FGF10: variants seen among roughly 807,000 people sequenced by gnomAD.
FGF10 encodes the protein FGF-10.
FGF10 carries 2 observed loss-of-function variants against 19.8 expected under a neutral mutation model. The ratio of observed to expected loss-of-function variants is 0.10; its 90% confidence interval spans 0.04 to 0.32. The LOEUF (loss-of-function observed/expected upper bound fraction) is 0.32. FGF10 is among the 10% of genes least tolerant of loss of function. The pLI is 1.00. For synonymous variants in FGF10, 112 were observed against 94.0 expected, an observed-to-expected ratio of 1.19 and a Z score of -1.10; for missense variants, 191 against 246.3, an observed-to-expected ratio of 0.78 and a Z score of 1.50.
intron 1 of FGF10, among the ~76,000 whole-genome samples, chr5:44,368,195 G>C (rs964567703): frequency 1.2e-4 from 18 of 152,124 alleles, no homozygotes; most frequent in African/African-American, 3.9e-4. Context: ...CTAGGACTGA[G>C]GCAATATATT....
chr5:44,312,705 C>G (rs1740240925), intron 1 of FGF10, among the ~76,000 whole-genome samples: 2 of 151,990 alleles, frequency 1.3e-5, no homozygotes, highest in Non-Finnish European at 2.9e-5. Context: ...CTTACATTGT[C>G]TGGCCAAAAG....
At chr5:44,364,667 G>T (rs1025290566) in intron 1 of FGF10, among the ~76,000 whole-genome samples, 2 of 151,388 alleles carry the variant, frequency 1.3e-5, no homozygotes, top group African/African-American at 4.9e-5. Flanking sequence ...ATATGATGAG[G>T]TTTCTCACAT....
intron 1 of FGF10, among the ~76,000 whole-genome samples, chr5:44,385,652 A>G (rs1024283529): frequency 5.9e-5 from 9 of 152,170 alleles, no homozygotes; most frequent in African/African-American, 2.2e-4. Flanking sequence ...TTTTTGGAAA[A>G]GGAATTGACA....
At position 44,350,425 on chromosome 5, in the gene FGF10, A is replaced by G. The variant is rs556714617; in HGVS notation, c.325+37933T>C. Among the ~76,000 whole-genome samples the G allele has an allele frequency of 4.0e-5, 6 of 150,966 alleles. No homozygotes were observed. The South Asian group carries it at 1.2e-3, about 31-fold the overall frequency. On this transcript the variant is annotated intron_variant, in intron 1 of 2. Coordinates refer to ENST00000264664, the MANE Select transcript of FGF10 (RefSeq NM_004465.2). ...GAAAAAAATAAAAAGAAATTCACCA[A>G]AATAGAACAACAGGTACTTCTAGGT...
At chr5:44,361,422 G>C (rs1172204508) in intron 1 of FGF10, among the ~76,000 whole-genome samples, 1 of 151,636 alleles carries the variant, frequency 6.6e-6, no homozygotes, top group Non-Finnish European at 1.5e-5. Flanking sequence ...ATAGATATGA[G>C]AGCCTGACAG....
intron 1 of FGF10, among the ~76,000 whole-genome samples, chr5:44,366,152 G>A (rs79273093): frequency 3.0e-4 from 10 of 33,432 alleles, no homozygotes; most frequent in Non-Finnish European, 4.9e-4. Flanking sequence ...TTTTTTTTTT[G>A]CTGTTTTACT....
intron 1 of FGF10, among the ~76,000 whole-genome samples, chr5:44,345,330 C>G (rs1484717127): frequency 1.3e-5 from 2 of 150,316 alleles, no homozygotes; most frequent in East Asian, 3.9e-4. Flanking sequence ...AGAATTTAAC[C>G]AAGAATATAA....
chr5:44,342,014 T>A (rs567298051), intron 1 of FGF10, among the ~76,000 whole-genome samples: 1 of 152,154 alleles, frequency 6.6e-6, no homozygotes, highest in East Asian at 1.9e-4. Context: ...GTCTTTTCTA[T>A]AATATTCTTT....
chr5:44,316,114 C>A (rs1326589614), intron 1 of FGF10, among the ~76,000 whole-genome samples: 1 of 152,102 alleles, frequency 6.6e-6, no homozygotes, highest in African/African-American at 2.4e-5. Flanking sequence ...CACAGGAGTG[C>A]GAACCCTACT....
Position 44,302,074 on chromosome 5 carries a change from A to ATT in FGF10, c.*2920_*2921insAA, listed in dbSNP as rs758776064. Among the ~76,000 whole-genome samples the ATT allele has an allele frequency of 7.1e-6, 1 of 140,850 alleles. No individual in the cohort carries two copies. Among genetic ancestry groups the ATT allele is most frequent in the East Asian group, 2.1e-4 (1 of 4,780 alleles). The allele number at this position is 140,850 out of a possible 152,430, so 92.4% of individuals were successfully genotyped here. On this transcript the variant is annotated 3_prime_UTR_variant, in exon 3 of 3. Coordinates refer to ENST00000264664, the MANE Select transcript of FGF10 (RefSeq NM_004465.2). Reference sequence around the variant, plus strand: ...CAGAGGCAGATCTCTCAATAGCTCCAATTTTTTTTTTTTTCAAATCTACAA... The same window carrying ATT: ...CAGAGGCAGATCTCTCAATAGCTCCATTATTTTTTTTTTTTTCAAATCTACAA...
rs578115250 is a variant in FGF10, at chr5:44,328,072, T to G, written c.326-17542A>C. 2.0e-5 allele frequency among the ~76,000 whole-genome samples: 3 copies of G among 152,338 alleles called. No individual in the cohort carries two copies. In the South Asian group the frequency reaches 6.2e-4, roughly 32 times the overall value. On this transcript the variant is annotated intron_variant, in intron 1 of 2. Transcript: ENST00000264664. Reference sequence around the variant, plus strand: ...TAAATGGCTGCACTTGAAAATTGTTTTCATGTTTTGTTTTGTTTTTTTCCT... The same window carrying G: ...TAAATGGCTGCACTTGAAAATTGTTGTCATGTTTTGTTTTGTTTTTTTCCT...
chr5:44,351,863 C>T (rs1395975157), intron 1 of FGF10, among the ~76,000 whole-genome samples: 1 of 151,594 alleles, frequency 6.6e-6, no homozygotes, highest in Non-Finnish European at 1.5e-5. Context: ...CACACGTGCA[C>T]ACACATCTAG....
intron 1 of FGF10, among the ~76,000 whole-genome samples, chr5:44,376,655 AAAT>A (rs1360612911): frequency 6.6e-6 from 1 of 151,924 alleles, no homozygotes; most frequent in African/African-American, 2.4e-5. Flanking sequence ...TTAAATTGTA[AAAT>A]AATGATCATT....
Position 44,388,595 on chromosome 5 carries a change from C to T in FGF10, c.88G>A (p.Val30Met), listed in dbSNP as rs1284421241. 6.2e-7 allele frequency: 1 copy of T among 1,614,008 alleles called. No individual in the cohort carries two copies. Among genetic ancestry groups the T allele is most frequent in the East Asian group, 2.2e-5 (1 of 44,848 alleles). The change falls in exon 1 of 3, where the codon GTG becomes ATG. Residue 30 changes from valine (V) to methionine (M), a missense_variant. By Grantham distance (21) the Val-to-Met change is conservative. This residue lies in a region of FGF10 where 92 missense variants were observed against 84.6 expected (regional missense o/e 1.09). Transcript: ENST00000264664. ...TGGCAGGTGACAGGGACGGAAGACA[C>T]CAAGAACAGCAACAAAAAGCAGCAG... ...CCCCFLLLFL[V>M]SSVPVTCQAL...
At chr5:44,345,633 CAA>C (rs199895920) in intron 1 of FGF10, among the ~76,000 whole-genome samples, 18,161 of 134,352 alleles carry the variant, frequency 0.14, 2,528 homozygotes, top group African/African-American at 0.35. Flanking sequence ...TTTCTCAGCT[CAA>C]AAAAAAAAAA....
In FGF10 at chr5:44,303,598, T is replaced by C. The variant is rs982507028; in HGVS notation, c.*1397A>G. On this transcript the variant is annotated 3_prime_UTR_variant, in exon 3 of 3. Coordinates refer to ENST00000264664, the MANE Select transcript of FGF10 (RefSeq NM_004465.2). ...TGTGATGATGATTGGTAAACTCTTA[T>C]GTACTCTTTTCTATACCTGCTCTAA... The C allele has an allele frequency of 1.3e-5, 2 of 152,302 alleles. No homozygotes were observed. Among genetic ancestry groups the C allele is most frequent in the East Asian group, 3.9e-4 (2 of 5,182 alleles). The allele number at this position is 152,302 out of a possible 1,614,324, so 9.4% of individuals were successfully genotyped here. A position where few individuals can be genotyped will look rare whatever the true frequency, so the allele number is the denominator to read the frequency against.
chr5:44,376,601 A>G (rs892290807), intron 1 of FGF10, among the ~76,000 whole-genome samples: 7 of 150,700 alleles, frequency 4.6e-5, no homozygotes, highest in African/African-American at 1.7e-4. Context: ...AAACCTCTTC[A>G]CAGTGAAATA....
At chr5:44,366,281 G>T (rs935829435) in intron 1 of FGF10, among the ~76,000 whole-genome samples, 5 of 151,646 alleles carry the variant, frequency 3.3e-5, no homozygotes, top group Non-Finnish European at 7.4e-5. Flanking sequence ...GAGAACAATG[G>T]TGAAAGGTGG....
At chr5:44,372,864 T>A (rs890853708) in intron 1 of FGF10, among the ~76,000 whole-genome samples, 1 of 152,218 alleles carries the variant, frequency 6.6e-6, no homozygotes, top group African/African-American at 2.4e-5. Context: ...GGCCTGGGAA[T>A]CAGCCTCTGT....
Sources: gnomAD v4.1 joint callset for allele counts (sites outside exome capture counted in the v4.1 genomes callset) on GRCh38, gnomAD v4.1.1 for gene constraint, gnomAD v4.1.1 regional missense constraint, MANE v1.5 for transcripts, NCBI Gene and HGNC (gene_info 2026-07-23, HGNC 2026-07-21) for gene names.